TPCN1: variants seen among roughly 807,000 people sequenced by gnomAD.
The protein encoded by TPCN1 is two pore segment channel 1.
TPCN1 carries 52 observed loss-of-function variants against 108.8 expected under a neutral mutation model. That is an observed-to-expected ratio of 0.48 (90% CI 0.38 to 0.60). TPCN1 has a LOEUF of 0.60. TPCN1 is among the 20% of genes least tolerant of loss of function. The probability of loss-of-function intolerance (pLI) is 0.00; values close to 1 mark genes in which losing one functional copy is unlikely to be tolerated. For synonymous variants in TPCN1, 446 were observed against 433.7 expected (o/e 1.03, Z -0.35); for missense variants, 806 against 1,072.8 (o/e 0.75, Z 3.47).
intron 22 of TPCN1, among the ~76,000 whole-genome samples, chr12:113,290,596 A>G (rs1956235894): frequency 6.6e-6 from 1 of 152,220 alleles, no homozygotes; most frequent in Admixed American, 6.5e-5. Flanking sequence ...CTCAGACTGC[A>G]CACAGCCCTC....
chr12:113,267,403 C>CT lies in TPCN1; in HGVS notation c.415-427dup, dbSNP rs542057561. ...ATTTTATCTTATCTTGTTTTTCTTA[C>CT]TTTTTTTTTTTTTGAGACTGAGTCT... On this transcript the variant is annotated intron_variant, in intron 4 of 27. Transcript: ENST00000335509. Among the ~76,000 whole-genome samples, 1,092 of 145,194 alleles carry CT rather than the reference C, an allele frequency of 7.5e-3. 7 individuals carry two copies. Among genetic ancestry groups the CT allele is most frequent in the African/African-American group, 0.023 (937 of 40,000 alleles).
At chr12:113,240,147 A>T (rs1954053222) in intron 2 of TPCN1, among the ~76,000 whole-genome samples, 1 of 152,118 alleles carries the variant, frequency 6.6e-6, no homozygotes, top group African/African-American at 2.4e-5. Context: ...CAGGGCGCAG[A>T]TTTTATGAGT....
rs1489813527 is a variant in TPCN1, at chr12:113,273,259, G to A, written c.811G>A (p.Val271Ile). The A allele has an allele frequency of 1.2e-5, 19 of 1,614,110 alleles. No individual in the cohort carries two copies. The highest frequency in any genetic ancestry group is 5.3e-5 in the African/African-American group (4 of 74,936). The stretch of plus-strand genomic sequence containing the variant: ...CTTCAGCACCCTGGAGAACAGCATC[G>A]TCAGTCTGTTTGTCCTTCTGACCAC... ...PYFSTLENSI[V>I]SLFVLLTTAN... The change falls in exon 9 of 28, where the codon GTC (valine) becomes ATC (isoleucine). Residue 271 changes from valine to isoleucine, a missense_variant. By Grantham distance (29) the Val-to-Ile change is conservative. Transcript: ENST00000335509. This position sits in a 1 kb window ranked among gnomAD's most constrained non-coding sequence, Gnocchi z 4.0.
intron 27 of TPCN1, 28 bp downstream of exon 27, chr12:113,293,377 A>T (rs937870696): frequency 5.0e-6 from 8 of 1,605,864 alleles, no homozygotes; most frequent in Non-Finnish European, 6.8e-6. Context: ...CACGCTGCGA[A>T]TCCTCCCCCA....
Position 113,227,021 on chromosome 12 carries a change from G to A in TPCN1, c.112+57G>A, listed in dbSNP as rs142075831. The A allele has an allele frequency of 2.0e-4, 292 of 1,458,114 alleles. No homozygotes were observed. In the African/African-American group the frequency reaches 3.5e-3, roughly 18 times the overall value. 90.3% of individuals were successfully genotyped at this position (1,458,114 alleles called of 1,614,324 possible). On this transcript the variant is annotated intron_variant, in intron 2 of 27. Coordinates refer to ENST00000335509, the MANE Select transcript of TPCN1 (RefSeq NM_017901.6). ...AGCTTTTCTGTTTCAGAGGCTGAGA[G>A]GTGATAAGCGCTTTGTGGTCTGATA...
At chr12:113,278,930 G>A in intron 14 of TPCN1, 95 bp downstream of exon 14, 2 of 620,774 alleles carry the variant, frequency 3.2e-6, no homozygotes, top group South Asian at 2.2e-5. Flanking sequence ...GTTCAGAGGG[G>A]TGTGTGTGTG....
At chr12:113,278,332 C>T in intron 13 of TPCN1, 95 bp downstream of exon 13, 1 of 1,148,368 alleles carries the variant, frequency 8.7e-7, no homozygotes, top group Non-Finnish European at 1.3e-6. Context: ...AGCTCTCTCC[C>T]TGCTAGAGCA....
chr12:113,248,281 T>C (rs1194266816), intron 2 of TPCN1, among the ~76,000 whole-genome samples: 1 of 152,244 alleles, frequency 6.6e-6, no homozygotes, highest in East Asian at 1.9e-4. Context: ...CAAGACCTTC[T>C]ATTTCACTTC....
intron 2 of TPCN1, among the ~76,000 whole-genome samples, chr12:113,243,817 A>G (rs1406371097): frequency 2.0e-5 from 3 of 152,190 alleles, no homozygotes; most frequent in Non-Finnish European, 4.4e-5. Context: ...TCTCAAGGCA[A>G]TGTTTGCAAC....
In TPCN1 at chr12:113,296,018, C is replaced by T; in HGVS notation, c.2393C>T (p.Ala798Val). 6.2e-7 allele frequency: 1 copy of T among 1,613,082 alleles called. No homozygotes were observed. The highest frequency in any genetic ancestry group is 8.5e-7 in the Non-Finnish European group (1 of 1,179,832). ...QEQQRQLSSS[A>V]APAAQQPPGS... ...CAGCAGCGACAACTCAGCAGCAGTG[C>T]AGCCCCCGCCGCCCAGCAGCCCCCA... is the stretch of plus-strand genomic sequence containing the variant. Residue 798 changes from alanine (A) to valine (V), a missense_variant, in exon 28 of 28, where the codon GCA becomes GTA. Ala to Val is a moderately conservative substitution (Grantham distance 64). Coordinates refer to ENST00000335509, the MANE Select transcript of TPCN1 (RefSeq NM_017901.6).
intron 26 of TPCN1, 26 bp from the exon 27 acceptor site, chr12:113,293,243 G>GC: frequency 1.2e-6 from 2 of 1,613,182 alleles, no homozygotes; most frequent in Non-Finnish European, 1.7e-6. Context: ...CTGCAGCCGA[G>GC]CCCTGCAGCC....
intron 2 of TPCN1, among the ~76,000 whole-genome samples, chr12:113,244,043 G>A (rs980522893): frequency 3.9e-5 from 6 of 152,218 alleles, no homozygotes; most frequent in Non-Finnish European, 7.4e-5. Flanking sequence ...ACTGCTCTCC[G>A]CTTCCTTGCC....
At chr12:113,256,464 T>G (rs142965050) in intron 2 of TPCN1, among the ~76,000 whole-genome samples, 2 of 152,300 alleles carry the variant, frequency 1.3e-5, no homozygotes, top group African/African-American at 4.8e-5. Flanking sequence ...GAAAAAAATA[T>G]GAACAAAGTT....
intron 2 of TPCN1, among the ~76,000 whole-genome samples, chr12:113,245,450 A>C (rs200273108): frequency 3.3e-4 from 48 of 144,126 alleles, no homozygotes; most frequent in Middle Eastern, 3.6e-3. Flanking sequence ...AAATACAAAA[A>C]ATTAGCCGGG....
At chr12:113,256,160 A>C (rs1202495305) in intron 2 of TPCN1, among the ~76,000 whole-genome samples, 1 of 151,856 alleles carries the variant, frequency 6.6e-6, no homozygotes, top group Non-Finnish European at 1.5e-5. Flanking sequence ...TTTTGTAGAG[A>C]TAGGGTCTCA....
At chr12:113,221,825 CCCCCG>C in intron 1 of TPCN1, among the ~76,000 whole-genome samples, 199 bp downstream of exon 1, 1 of 152,164 alleles carries the variant, frequency 6.6e-6, no homozygotes, top group Admixed American at 6.5e-5. Context: ...TCTCTCCTCG[CCCCCG>C]ACTTCTTAGG....
chr12:113,279,317 ATGTGTGTGTG>A (rs139888878), intron 14 of TPCN1, among the ~76,000 whole-genome samples: 1 of 111,400 alleles, frequency 9.0e-6, no homozygotes, highest in African/African-American at 3.4e-5. Flanking sequence ...GTATATATAT[ATGTGTGTGTG>A]TGTGTGTGTG....
At chr12:113,292,913 A>G in intron 25 of TPCN1, 21 bp from the exon 26 acceptor site, 1 of 1,606,880 alleles carries the variant, frequency 6.2e-7, no homozygotes, top group Non-Finnish European at 8.5e-7. Flanking sequence ...CCCTTCCCAC[A>G]CCTGCCTTCC....
intron 2 of TPCN1, among the ~76,000 whole-genome samples, chr12:113,235,267 A>G (rs1368423385): frequency 2.0e-5 from 3 of 152,048 alleles, no homozygotes; most frequent in Non-Finnish European, 4.4e-5. Context: ...CTCCCAGGAA[A>G]CCCTGCATCA....
Sources: gnomAD v4.1 joint callset for allele counts (sites outside exome capture counted in the v4.1 genomes callset) on GRCh38, gnomAD v4.1.1 for gene constraint, Gnocchi (gnomAD v3.1) non-coding constraint, MANE v1.5 for transcripts, NCBI Gene and HGNC (gene_info 2026-07-23, HGNC 2026-07-21) for gene names.